Variants in ROBO2 observed in about 807,000 individuals in gnomAD.
ROBO2 encodes the protein roundabout homolog 2.
Under a neutral mutation model 160.8 loss-of-function variants are expected in ROBO2, and 53 were observed. The ratio of observed to expected loss-of-function variants is 0.33; its 90% CI spans 0.26 to 0.41. The LOEUF is 0.41. Among genes scored for constraint, ROBO2 ranks in the 10% least tolerant of loss-of-function variants. The probability of loss-of-function intolerance (pLI) is 1.00; values close to 1 mark genes in which losing one functional copy is unlikely to be tolerated. For synonymous variants in ROBO2, 664 were observed against 611.7 expected, an observed-to-expected ratio of 1.09 and a Z score of -1.26; for missense variants, 1,577 against 1,722.4, an observed-to-expected ratio of 0.92 and a Z score of 1.49.
chr3:77,058,178 A>G (rs1377394150), intron 1 of ROBO2, among the ~76,000 whole-genome samples: 1 of 152,174 alleles, frequency 6.6e-6, no homozygotes, highest in Non-Finnish European at 1.5e-5. Context: ...GTATCACCTG[A>G]ATAAAATAGG....
intron 2 of ROBO2, among the ~76,000 whole-genome samples, chr3:77,106,146 G>A (rs1157755991): frequency 3.3e-5 from 5 of 152,156 alleles, no homozygotes; most frequent in Admixed American, 1.3e-4. Context: ...AGGATCAAGC[G>A]ATTCTCCCAC....
chr3:76,153,601 G>T (rs892396531), intron 2 of ROBO2, among the ~76,000 whole-genome samples: 4 of 152,128 alleles, frequency 2.6e-5, no homozygotes, highest in African/African-American at 9.7e-5. Context: ...TTTTAGTTGG[G>T]ATGAGTAGGG....
At chr3:76,223,155 A>G (rs984757975) in intron 2 of ROBO2, among the ~76,000 whole-genome samples, 1 of 151,724 alleles carries the variant, frequency 6.6e-6, no homozygotes, top group African/African-American at 2.4e-5. Context: ...TTAATGGTAC[A>G]CTTCCTCATG....
intron 2 of ROBO2, among the ~76,000 whole-genome samples, chr3:76,423,774 T>C (rs2076094981): frequency 6.6e-6 from 1 of 152,206 alleles, no homozygotes; most frequent in South Asian, 2.1e-4. Context: ...CTGGAGTTCA[T>C]GGATAGTCAT....
At chr3:76,209,019 A>G (rs1702980401) in intron 2 of ROBO2, among the ~76,000 whole-genome samples, 1 of 152,170 alleles carries the variant, frequency 6.6e-6, no homozygotes, top group African/African-American at 2.4e-5. Context: ...AGGAAAAAAC[A>G]TGTGAAATAG....
chr3:76,801,857 T>C (rs1024631056), intron 2 of ROBO2, among the ~76,000 whole-genome samples: 10 of 152,196 alleles, frequency 6.6e-5, no homozygotes, highest in African/African-American at 2.2e-4. Flanking sequence ...GACTCCTTTT[T>C]TCACTTGAGC....
rs866839637 is a variant in ROBO2, at chr3:76,286,323, T to C, written c.109+348721T>C. On this transcript the variant is annotated intron_variant, in intron 2 of 26. Transcript: ENST00000487694. ...TCATTCAAGGATTGAAAACATGAAG[T>C]AGAATGGTGTGGTCAATGAACTGCA... Among the ~76,000 whole-genome samples, 6 of 152,060 alleles carry C rather than the reference T, an allele frequency of 3.9e-5. No homozygotes were observed. In the South Asian group the frequency reaches 1.0e-3, roughly 26 times the overall value.
At chr3:77,004,865 GAC>G (rs1559831704) in intron 2 of ROBO2, among the ~76,000 whole-genome samples, 1 of 152,100 alleles carries the variant, frequency 6.6e-6, no homozygotes, top group Admixed American at 6.6e-5. Context: ...AGACATTTCA[GAC>G]ACAGTATTCC....
chr3:76,272,738 ATATT>A (rs1172811689), intron 2 of ROBO2, among the ~76,000 whole-genome samples: 8 of 53,708 alleles, frequency 1.5e-4, no homozygotes, highest in Non-Finnish European at 3.6e-4. Context: ...ATAAATATAT[ATATT>A]CTCTATATAT....
rs192355327 is a variant in ROBO2, at chr3:76,510,270, C to G, written c.109+572668C>G. 4.9e-3 allele frequency among the ~76,000 whole-genome samples: 750 copies of G among 152,288 alleles called. 4 individuals carry two copies. The highest frequency in any genetic ancestry group is 0.021 in the Middle Eastern group (6 of 292). On this transcript the variant is annotated intron_variant, in intron 2 of 26. Coordinates refer to the ROBO2 transcript ENST00000487694. The stretch of plus-strand genomic sequence containing the variant: ...AAAAAGGGTAAGCATTTATGTTCAT[C>G]TATAACACACAAAATCAGGCTGCTG...
At chr3:75,928,746 C>T (rs1947391482) in intron 1 of ROBO2, among the ~76,000 whole-genome samples, 4 of 152,162 alleles carry the variant, frequency 2.6e-5, no homozygotes, top group African/African-American at 9.7e-5. Context: ...TACCTTCAAA[C>T]ATGAGATCTG....
intron 2 of ROBO2, among the ~76,000 whole-genome samples, chr3:76,962,320 C>T (rs563719457): frequency 1.0e-3 from 152 of 151,160 alleles, no homozygotes; most frequent in Non-Finnish European, 1.6e-3. Context: ...GGCAACAGAG[C>T]GAGATTCCAT....
At chr3:77,114,942 C>G (rs2074052447) in intron 2 of ROBO2, among the ~76,000 whole-genome samples, 1 of 152,074 alleles carries the variant, frequency 6.6e-6, no homozygotes, top group African/African-American at 2.4e-5. Flanking sequence ...TCTTTGAACC[C>G]ACATTATCTG....
chr3:76,349,806 C>T (rs143580267), intron 2 of ROBO2, among the ~76,000 whole-genome samples: 16 of 152,012 alleles, frequency 1.1e-4, no homozygotes, highest in African/African-American at 3.9e-4. Context: ...CCCCAATTTC[C>T]GCAGGAACAC....
chr3:76,824,173 G>A lies in ROBO2; in HGVS notation c.110-273841G>A, dbSNP rs371668541. 4.6e-5 allele frequency among the ~76,000 whole-genome samples: 7 copies of A among 152,292 alleles called. No individual in the cohort carries two copies. In the East Asian group the frequency reaches 1.4e-3, roughly 30 times the overall value. On this transcript the variant is annotated intron_variant, in intron 2 of 26. Coordinates refer to the ROBO2 transcript ENST00000487694. The stretch of plus-strand genomic sequence containing the variant: ...ACTGGAGACACACATCACCTCTCAA[G>A]TTCCAGAGAAGGATATGGCATGTGT...
chr3:77,643,257 T>C (rs1043816818), intron 24 of ROBO2, among the ~76,000 whole-genome samples: 1 of 152,262 alleles, frequency 6.6e-6, no homozygotes, highest in Non-Finnish European at 1.5e-5. Context: ...TCGCTAAATT[T>C]AATCTTTTCT....
chr3:77,298,257 A>G (rs1215754213), intron 2 of ROBO2, among the ~76,000 whole-genome samples: 2 of 152,182 alleles, frequency 1.3e-5, no homozygotes, highest in Admixed American at 6.6e-5. Context: ...ACACCAGGAA[A>G]CGCAGAGGGC....
chr3:76,978,385 T>A (rs1010998368), intron 2 of ROBO2, among the ~76,000 whole-genome samples: 1 of 152,170 alleles, frequency 6.6e-6, no homozygotes, highest in African/African-American at 2.4e-5. Flanking sequence ...TTGAAATACA[T>A]AGTGCCACCT....
intron 2 of ROBO2, among the ~76,000 whole-genome samples, chr3:76,032,401 T>G (rs1352066057): frequency 1.3e-5 from 2 of 152,264 alleles, no homozygotes; most frequent in East Asian, 3.9e-4. Context: ...TCTGCTAGCT[T>G]TTGAATGTGT....
Sources: gnomAD v4.1 joint callset for allele counts (sites outside exome capture counted in the v4.1 genomes callset) on GRCh38, gnomAD v4.1.1 for gene constraint, MANE v1.5 for transcripts, NCBI Gene and HGNC (gene_info 2026-07-23, HGNC 2026-07-21) for gene names.